SORCS1: variants seen among roughly 807,000 people sequenced by gnomAD.
SORCS1 encodes sortilin related VPS10 domain containing receptor 1.
In SORCS1, 60 loss-of-function variants were observed where a neutral mutation model predicts 146.1. The observed-to-expected ratio is 0.41, with a 90% CI of 0.33 to 0.51. The LOEUF is 0.51. Ranked by LOEUF, SORCS1 falls within the 20% of genes least tolerant of loss-of-function variation. SORCS1 has a pLI of 0.21. For missense variants in SORCS1, 1,352 were observed against 1,487.6 expected, an observed-to-expected ratio of 0.91 and a Z score of 1.50; for synonymous variants, 637 against 584.0, an observed-to-expected ratio of 1.09 and a Z score of -1.31.
At chr10:106,839,752 A>G (rs1189098011) in intron 2 of SORCS1, among the ~76,000 whole-genome samples, 1 of 152,198 alleles carries the variant, frequency 6.6e-6, no homozygotes, top group African/African-American at 2.4e-5. Context: ...GTTGGGGGCT[A>G]ATGCAATTGG....
intron 6 of SORCS1, among the ~76,000 whole-genome samples, chr10:106,725,166 A>G (rs1351644536): frequency 6.6e-6 from 1 of 152,094 alleles, no homozygotes; most frequent in Non-Finnish European, 1.5e-5. Flanking sequence ...AAACAAAATA[A>G]AAACATTATA....
chr10:106,802,438 CCTT>C (rs1946949594), intron 3 of SORCS1, among the ~76,000 whole-genome samples: 1 of 151,964 alleles, frequency 6.6e-6, no homozygotes, highest in African/African-American at 2.4e-5. Flanking sequence ...TTCAAACAAT[CCTT>C]CTGCCTCAGC....
chr10:106,856,049 CAG>C (rs1212709930), intron 2 of SORCS1, among the ~76,000 whole-genome samples: 1 of 145,528 alleles, frequency 6.9e-6, no homozygotes. Context: ...TTTTTTGAGA[CAG>C]AGTCTCGCTC....
chr10:106,902,171 G>C (rs967747671), intron 2 of SORCS1, among the ~76,000 whole-genome samples: 1 of 152,066 alleles, frequency 6.6e-6, no homozygotes, highest in Non-Finnish European at 1.5e-5. Flanking sequence ...AGTATAAATT[G>C]GTGAAATCTA....
chr10:107,122,435 AG>A (rs896465580), intron 1 of SORCS1, among the ~76,000 whole-genome samples: 106 of 152,350 alleles, frequency 7.0e-4, no homozygotes, highest in African/African-American at 2.5e-3. Flanking sequence ...TCACTTAACC[AG>A]GAAAGGTAAG....
intron 1 of SORCS1, among the ~76,000 whole-genome samples, chr10:107,065,456 CTT>C (rs1489515456): frequency 2.8e-5 from 2 of 72,478 alleles, no homozygotes; most frequent in African/African-American, 2.1e-4. Context: ...TCTTTTCTCT[CTT>C]TCTCTCTCCC....
chr10:106,751,050 C>T (rs1858173190), intron 5 of SORCS1, among the ~76,000 whole-genome samples: 1 of 79,252 alleles, frequency 1.3e-5, no homozygotes, highest in South Asian at 5.0e-4. Flanking sequence ...CAGGGTGAGA[C>T]TCCGTCTCAA....
intron 6 of SORCS1, among the ~76,000 whole-genome samples, chr10:106,717,873 C>T (rs1368783617): frequency 6.6e-6 from 1 of 152,194 alleles, no homozygotes; most frequent in Non-Finnish European, 1.5e-5. Flanking sequence ...TACCTCTGCA[C>T]AGATGTTTTA....
intron 10 of SORCS1, among the ~76,000 whole-genome samples, chr10:106,680,887 A>C (rs561809040): frequency 6.6e-6 from 1 of 152,328 alleles, no homozygotes; most frequent in East Asian, 1.9e-4. Flanking sequence ...GATGGAGTAA[A>C]TGACAAAGTG....
Position 106,596,907 on chromosome 10 carries a change from G to A in SORCS1, c.3265+444C>T, listed in dbSNP as rs151193631. ...CACTGGGTCACCCAGGTTGGAGTGCGGTGGCGTGATCTCGGCTCACTGTAA... is the reference window on the plus strand; with the variant it reads ...CACTGGGTCACCCAGGTTGGAGTGCAGTGGCGTGATCTCGGCTCACTGTAA... On this transcript the variant is annotated intron_variant, in intron 24 of 25. Coordinates refer to ENST00000263054, the MANE Select transcript of SORCS1 (RefSeq NM_052918.5). 2.0e-3 allele frequency among the ~76,000 whole-genome samples: 305 copies of A among 152,150 alleles called. 10 individuals carry two copies. The highest frequency in any genetic ancestry group is 0.017 in the Admixed American group (261 of 15,290).
chr10:106,918,852 T>C (rs369813348), intron 2 of SORCS1, among the ~76,000 whole-genome samples: 6,983 of 152,192 alleles, frequency 0.046, 499 homozygotes, highest in African/African-American at 0.15. Context: ...TATTTTTTTT[T>C]CCTTGGGACA....
At chr10:106,666,995 C>T (rs959689039) in intron 17 of SORCS1, 8 of 152,190 alleles carry the variant, frequency 5.3e-5, no homozygotes, top group African/African-American at 1.9e-4. Flanking sequence ...TGCCTTTTTA[C>T]AGATCATTTG....
At chr10:107,134,499 C>T (rs181434570) in intron 1 of SORCS1, among the ~76,000 whole-genome samples, 53 of 152,120 alleles carry the variant, frequency 3.5e-4, no homozygotes, top group Middle Eastern at 3.4e-3. Flanking sequence ...ATTATCTGGA[C>T]GTGGTGGCAC....
chr10:106,800,361 C>A (rs1464938485), intron 3 of SORCS1, among the ~76,000 whole-genome samples: 1 of 151,926 alleles, frequency 6.6e-6, no homozygotes, highest in East Asian at 1.9e-4. Context: ...GTAAGACTTC[C>A]TAAAGGTTGA....
intron 2 of SORCS1, among the ~76,000 whole-genome samples, chr10:106,851,383 CTGTGTTCAAACTTCCTTTTATT>C (rs1949566000): frequency 6.6e-6 from 1 of 152,160 alleles, no homozygotes. Context: ...GCTGTAAGGT[CTGTGTTCAAACTTCCTTTTATT>C]TGTATTTATT....
At chr10:107,040,271 T>G (rs941846561) in intron 1 of SORCS1, among the ~76,000 whole-genome samples, 7 of 152,178 alleles carry the variant, frequency 4.6e-5, no homozygotes, top group Non-Finnish European at 8.8e-5. Context: ...GTTTTCTTCT[T>G]GCCATGTTAA....
chr10:106,944,979 G>A (rs779861768), intron 2 of SORCS1, among the ~76,000 whole-genome samples: 5 of 141,782 alleles, frequency 3.5e-5, no homozygotes, highest in East Asian at 2.2e-4. Flanking sequence ...TCTGGCTCCC[G>A]GGTTCAAGCA....
At chr10:107,068,926 A>G (rs148413546) in intron 1 of SORCS1, among the ~76,000 whole-genome samples, 163 of 151,198 alleles carry the variant, frequency 1.1e-3, no homozygotes, top group African/African-American at 3.8e-3. Context: ...GGGTGGAGGG[A>G]GGCATCGCCC....
intron 3 of SORCS1, among the ~76,000 whole-genome samples, chr10:106,803,426 C>T (rs1018554997): frequency 6.6e-6 from 1 of 152,160 alleles, no homozygotes; most frequent in Admixed American, 6.5e-5. Context: ...AAATCATTCA[C>T]CTACAGATAA....
Sources: gnomAD v4.1 joint callset for allele counts (sites outside exome capture counted in the v4.1 genomes callset) on GRCh38, gnomAD v4.1.1 for gene constraint, MANE v1.5 for transcripts, NCBI Gene and HGNC (gene_info 2026-07-23, HGNC 2026-07-21) for gene names.